The following KIF5C variants were observed in gnomAD, a reference collection of about 807,000 sequenced individuals.
The protein encoded by KIF5C is kinesin family member 5C, also known as kinesin heavy chain isoform 5C.
Under a neutral mutation model 125.2 loss-of-function variants are expected in KIF5C, and 18 were observed. The observed-to-expected ratio is 0.14, with a 90% CI of 0.10 to 0.21. KIF5C has a LOEUF of 0.21. Among genes scored for constraint, KIF5C ranks in the 10% least tolerant of loss-of-function variants. The probability of loss-of-function intolerance (pLI) is 1.00; values close to 1 mark genes in which losing one functional copy is unlikely to be tolerated. For synonymous variants in KIF5C, 405 were observed against 434.0 expected (o/e 0.93, Z 0.83); for missense variants, 780 against 1,183.8 (o/e 0.66, Z 5.01).
In KIF5C at chr2:149,024,367, A is replaced by G. The variant is rs1392901730; in HGVS notation, c.*1297A>G. The G allele has an allele frequency of 6.6e-6, 1 of 152,244 alleles. No individual in the cohort carries two copies. Among genetic ancestry groups the G allele is most frequent in the African/African-American group, 2.4e-5 (1 of 41,312 alleles). The allele number at this position is 152,244 out of a possible 1,614,324, so 9.4% of individuals were successfully genotyped here. On this transcript the variant is annotated 3_prime_UTR_variant, in exon 26 of 26. Transcript: ENST00000435030. ...GGGTAAGTCAATGACAACCAAACCA[A>G]TCTCGGTGGAAACTCCTATCCTATC...
rs550172849 is a variant in KIF5C at position 148,950,030 on chromosome 2, G to T, written c.819+87G>T. 8.3e-5 allele frequency: 124 copies of T among 1,491,706 alleles called. No homozygotes were observed. The African/African-American group carries it at 1.7e-3, about 20-fold the overall frequency. The allele number at this position is 1,491,706 out of a possible 1,614,324, so 92.4% of individuals were successfully genotyped here. On this transcript the variant is annotated intron_variant, in intron 9 of 25. Coordinates refer to ENST00000435030, the MANE Select transcript of KIF5C (RefSeq NM_004522.3). ...TAGTCCCTTTGCCACACACCCCAAA[G>T]GCTGGTTTGTTTTTCTGTTTGGAAG...
rs774029209 is a variant in KIF5C, at chr2:148,997,344, T to C, written c.2100+4T>C. 1.4e-5 allele frequency: 23 copies of C among 1,613,802 alleles called. No individual in the cohort carries two copies. The highest frequency in any genetic ancestry group is 1.9e-5 in the Non-Finnish European group (23 of 1,179,844). On this transcript the variant is annotated splice_donor_region_variant and intron_variant, in intron 18 of 25. Coordinates refer to ENST00000435030, the MANE Select transcript of KIF5C (RefSeq NM_004522.3). ...GCAGGATGCTGAAGAAATGAAGGTG[T>C]GTGTGGCTGCCCCTTCCATCAAGCC...
intron 3 of KIF5C, among the ~76,000 whole-genome samples, chr2:148,933,774 A>G (rs1682227594): frequency 6.7e-6 from 1 of 149,248 alleles, no homozygotes; most frequent in Non-Finnish European, 1.5e-5. Context: ...TTCACGACAC[A>G]CCATATACCA....
chr2:148,933,838 TAC>T (rs1682229377), intron 3 of KIF5C, among the ~76,000 whole-genome samples: 1 of 148,818 alleles, frequency 6.7e-6, no homozygotes, highest in Non-Finnish European at 1.5e-5. Context: ...CAAACACATG[TAC>T]ACACACAGAC....
intron 21 of KIF5C, among the ~76,000 whole-genome samples, chr2:149,001,244 A>G: frequency 6.6e-6 from 1 of 152,214 alleles, no homozygotes; most frequent in East Asian, 1.9e-4. Flanking sequence ...TTGCTATAGA[A>G]TGTGCATAGG....
intron 1 of KIF5C, among the ~76,000 whole-genome samples, chr2:148,895,537 A>G (rs1234397978): frequency 1.3e-5 from 2 of 152,006 alleles, no homozygotes; most frequent in Non-Finnish European, 2.9e-5. Flanking sequence ...CAAAATATTT[A>G]TAAAAATACT....
At chr2:148,946,789 C>G (rs936761052) in intron 7 of KIF5C, 110 bp from the exon 8 acceptor site, 1 of 1,485,158 alleles carries the variant, frequency 6.7e-7, no homozygotes, top group African/African-American at 1.4e-5. Flanking sequence ...ACTGGACTTA[C>G]TTCAATGAAA....
intron 1 of KIF5C, among the ~76,000 whole-genome samples, chr2:148,913,096 A>AT (rs1681406039): frequency 6.6e-6 from 1 of 152,182 alleles, no homozygotes; most frequent in African/African-American, 2.4e-5. Flanking sequence ...TTTCCTTGTA[A>AT]TTTATGGGAG....
chr2:148,955,240 G>T (rs1362868508), intron 10 of KIF5C, among the ~76,000 whole-genome samples: 3 of 152,192 alleles, frequency 2.0e-5, no homozygotes, highest in African/African-American at 7.2e-5. Flanking sequence ...TTTCTGATTA[G>T]TTTTATATGT....
chr2:148,982,474 T>A (rs1229756505), intron 14 of KIF5C, among the ~76,000 whole-genome samples: 25 of 152,184 alleles, frequency 1.6e-4, no homozygotes, highest in Non-Finnish European at 1.5e-5. Context: ...TAAAAAGAAG[T>A]AGCAGATGGC....
chr2:148,908,961 A>G (rs1476285674), intron 1 of KIF5C, among the ~76,000 whole-genome samples: 1 of 152,220 alleles, frequency 6.6e-6, no homozygotes, highest in Non-Finnish European at 1.5e-5. Flanking sequence ...CCCTGAAAAT[A>G]CCAGCCAAAT....
At chr2:149,009,937 T>C (rs1052837692) in intron 23 of KIF5C, among the ~76,000 whole-genome samples, 198 bp from the exon 24 acceptor site, 1 of 152,200 alleles carries the variant, frequency 6.6e-6, no homozygotes, top group African/African-American at 2.4e-5. Flanking sequence ...CCACCGTTCC[T>C]TGCACCCTGT....
At chr2:148,909,135 T>C (rs1406107688) in intron 1 of KIF5C, among the ~76,000 whole-genome samples, 2 of 152,238 alleles carry the variant, frequency 1.3e-5, no homozygotes, top group African/African-American at 4.8e-5. Flanking sequence ...ATGTATGTGC[T>C]ACCGGGCTTT....
intron 23 of KIF5C, among the ~76,000 whole-genome samples, chr2:149,009,463 T>C (rs1219531475): frequency 6.6e-6 from 1 of 152,176 alleles, no homozygotes; most frequent in Non-Finnish European, 1.5e-5. Context: ...CCCTATTATG[T>C]AGTACACTTG....
At chr2:148,947,173 C>G in intron 8 of KIF5C, 150 bp downstream of exon 8, 1 of 1,243,654 alleles carries the variant, frequency 8.0e-7, no homozygotes, top group African/African-American at 1.5e-5. Context: ...ACATTTAACC[C>G]TTTGTCCCTG....
chr2:148,976,414 C>G (rs1283339207), intron 12 of KIF5C, among the ~76,000 whole-genome samples: 1 of 151,788 alleles, frequency 6.6e-6, no homozygotes, highest in African/African-American at 2.4e-5. Context: ...GGACTACAGG[C>G]GCACACCACC....
chr2:149,008,894 A>T (rs748870764), intron 23 of KIF5C, among the ~76,000 whole-genome samples: 1 of 152,102 alleles, frequency 6.6e-6, no homozygotes, highest in Non-Finnish European at 1.5e-5. Flanking sequence ...CAAATTGTCG[A>T]TGAGAAATAC....
At chr2:148,997,631 C>T in intron 18 of KIF5C, 1 of 394,820 alleles carries the variant, frequency 2.5e-6, no homozygotes, top group Non-Finnish European at 4.4e-6. Flanking sequence ...TGCATGGGCT[C>T]TTTTGTCGGA....
At chr2:148,945,363 A>C (rs1314106665) in intron 7 of KIF5C, among the ~76,000 whole-genome samples, 1 of 152,202 alleles carries the variant, frequency 6.6e-6, no homozygotes, top group Non-Finnish European at 1.5e-5. Flanking sequence ...GTAGCTATCC[A>C]GTTTTTCCAA....
Sources: allele counts gnomAD v4.1 joint callset (sites outside exome capture counted in the v4.1 genomes callset), GRCh38; gene constraint gnomAD v4.1.1; transcripts MANE v1.5; gene names NCBI Gene and HGNC (gene_info 2026-07-23, HGNC 2026-07-21).